The following RBFOX1 variants were observed in gnomAD, a reference collection of about 807,000 sequenced individuals.
RBFOX1 encodes the protein RNA binding fox-1 homolog 1.
RBFOX1 carries 8 observed loss-of-function variants against 57.7 expected under a neutral mutation model. That is an observed-to-expected ratio of 0.14 (90% CI 0.08 to 0.25). RBFOX1 has a LOEUF of 0.25. RBFOX1 is among the 10% of genes least tolerant of loss of function. The pLI, the probability that RBFOX1 is intolerant of heterozygous loss-of-function variation, is 1.00. For synonymous variants in RBFOX1, 326 were observed against 222.4 expected (o/e 1.47, Z -4.15); for missense variants, 611 against 548.5 (o/e 1.11, Z -1.14).
At chr16:7,685,201 G>A (rs2075799515) in intron 14 of RBFOX1, among the ~76,000 whole-genome samples, 1 of 152,048 alleles carries the variant, frequency 6.6e-6, no homozygotes, top group African/African-American at 2.4e-5. Flanking sequence ...ACCCCGATAT[G>A]CCATAATGTT....
Position 7,332,879 on chromosome 16 carries a change from G to C in RBFOX1, c.28-185268G>C, listed in dbSNP as rs77994201. The C allele has an allele frequency of 5.3e-4, 820 of 1,553,384 alleles. 5 individuals are homozygous for C. In the African/African-American group the frequency reaches 0.01, roughly 19 times the overall value. Reference sequence around the variant, plus strand: ...CTCTCCCGGCGTTGATGAGTGCTTGGCTCCTGACAGAAGGGATTTGGCTCC... The same window carrying C: ...CTCTCCCGGCGTTGATGAGTGCTTGCCTCCTGACAGAAGGGATTTGGCTCC... On this transcript the variant is annotated intron_variant, in intron 4 of 15. Transcript: ENST00000550418.
chr16:5,564,139 G>A (rs903660607), intron 2 of RBFOX1, among the ~76,000 whole-genome samples: 2 of 152,058 alleles, frequency 1.3e-5, no homozygotes, highest in Admixed American at 6.5e-5. Flanking sequence ...TCAGCATCCA[G>A]ATAGCTGAGA....
chr16:5,337,838 G>T (rs1596564423), intron 1 of RBFOX1, among the ~76,000 whole-genome samples: 1 of 152,168 alleles, frequency 6.6e-6, no homozygotes, highest in South Asian at 2.1e-4. Flanking sequence ...GAGCCCAGGA[G>T]TTCAAGACCA....
chr16:7,040,020 A>T (rs962661473), intron 3 of RBFOX1, among the ~76,000 whole-genome samples: 4 of 150,446 alleles, frequency 2.7e-5, no homozygotes, highest in African/African-American at 4.9e-5. Flanking sequence ...TATTATTATT[A>T]TCATTATTAT....
intron 4 of RBFOX1, chr16:7,126,238 C>G (rs1434839249): frequency 9.5e-6 from 2 of 210,580 alleles, no homozygotes; most frequent in Non-Finnish European, 1.9e-5. Flanking sequence ...GTACAATTTC[C>G]ATTTTATTTT....
rs141811360 is a variant in RBFOX1, at chr16:5,848,734, G to T, written c.319-18569G>T. On this transcript the variant is annotated intron_variant, in intron 3 of 19. Transcript: ENST00000641259. ...GACTGAGGTGGGTGGATCACCTGAGGTCAGAAGTTCGAGACCAGCCTGGCC... is the reference window on the plus strand; with the variant it reads ...GACTGAGGTGGGTGGATCACCTGAGTTCAGAAGTTCGAGACCAGCCTGGCC... Among the ~76,000 whole-genome samples, 116 of 152,182 alleles carry T rather than the reference G, an allele frequency of 7.6e-4. No individual in the cohort carries two copies. The East Asian group carries it at 0.019, about 25-fold the overall frequency.
intron 1 of RBFOX1, among the ~76,000 whole-genome samples, chr16:6,122,802 A>ATGTGTGTGTGTGTGTG (rs4038155): frequency 2.7e-4 from 40 of 147,832 alleles, no homozygotes; most frequent in Middle Eastern, 3.4e-3. Flanking sequence ...ATGTGTGTGT[A>ATGTGTGTGTGTGTGTG]TGTGTGTGTG....
At position 6,998,978 on chromosome 16, in the gene RBFOX1, C is replaced by T. The variant is rs146591431; in HGVS notation, c.-15-53079C>T. 1.8e-3 allele frequency among the ~76,000 whole-genome samples: 277 copies of T among 151,504 alleles called. 3 individuals carry two copies. The highest frequency in any genetic ancestry group is 6.5e-3 in the African/African-American group (269 of 41,362). On this transcript the variant is annotated intron_variant, in intron 3 of 15. Transcript: ENST00000550418. Reference sequence around the variant, plus strand: ...CCGCCTCCCAGGTTCAAGCGATTCTCGTGCCTCGGCATCCTGAGTAGCTGG... The same window carrying T: ...CCGCCTCCCAGGTTCAAGCGATTCTTGTGCCTCGGCATCCTGAGTAGCTGG...
intron 2 of RBFOX1, among the ~76,000 whole-genome samples, chr16:5,582,439 G>A (rs1249007409): frequency 6.6e-6 from 1 of 152,036 alleles, no homozygotes; most frequent in Non-Finnish European, 1.5e-5. Context: ...CAAGTACAGT[G>A]CCCCTGTTAA....
intron 4 of RBFOX1, among the ~76,000 whole-genome samples, chr16:7,141,921 C>A (rs771199051): frequency 2.6e-5 from 4 of 152,160 alleles, no homozygotes; most frequent in Non-Finnish European, 5.9e-5. Flanking sequence ...TCATGTCAGT[C>A]CCCTTCCCCC....
chr16:7,344,819 C>G (rs1379438692), intron 4 of RBFOX1, among the ~76,000 whole-genome samples: 1 of 152,230 alleles, frequency 6.6e-6, no homozygotes, highest in Non-Finnish European at 1.5e-5. Flanking sequence ...TTCTGCAAAG[C>G]TTTGGTGTCT....
At chr16:5,299,304 C>A (rs1285846074) in intron 1 of RBFOX1, among the ~76,000 whole-genome samples, 1 of 151,944 alleles carries the variant, frequency 6.6e-6, no homozygotes, top group East Asian at 1.9e-4. Flanking sequence ...AGTAGCAGTC[C>A]ATTGAATGCA....
intron 9 of RBFOX1, among the ~76,000 whole-genome samples, chr16:7,598,197 G>A (rs1159408159): frequency 2.0e-5 from 3 of 152,204 alleles, no homozygotes; most frequent in Middle Eastern, 6.8e-3. Context: ...AAAAATTAAA[G>A]CAATGCAGTA....
chr16:5,741,050 T>A (rs114253919), intron 3 of RBFOX1, among the ~76,000 whole-genome samples: 1,973 of 152,264 alleles, frequency 0.013, 56 homozygotes, highest in African/African-American at 0.045. Context: ...CACCTCTGTT[T>A]TGTAGATGGG....
chr16:6,297,495 A>G (rs2078263287), intron 1 of RBFOX1, among the ~76,000 whole-genome samples: 1 of 152,102 alleles, frequency 6.6e-6, no homozygotes, highest in Admixed American at 6.5e-5. Context: ...ATGCCTGTGA[A>G]TGCCTCTGAA....
At chr16:6,755,425 GT>G (rs1364874805) in intron 3 of RBFOX1, among the ~76,000 whole-genome samples, 2 of 152,056 alleles carry the variant, frequency 1.3e-5, no homozygotes, top group East Asian at 3.8e-4. Flanking sequence ...TCTCATTGTG[GT>G]TTTGATTTGC....
At chr16:6,188,811 T>C (rs1476151876) in intron 1 of RBFOX1, among the ~76,000 whole-genome samples, 1 of 152,216 alleles carries the variant, frequency 6.6e-6, no homozygotes, top group African/African-American at 2.4e-5. Context: ...GCTGATACTT[T>C]GAAGCACATA....
At chr16:6,060,542 A>G (rs986754613) in intron 1 of RBFOX1, among the ~76,000 whole-genome samples, 2 of 152,122 alleles carry the variant, frequency 1.3e-5, no homozygotes, top group Non-Finnish European at 2.9e-5. Context: ...TTCGACCTCT[A>G]CGTCAGCAGT....
intron 3 of RBFOX1, among the ~76,000 whole-genome samples, chr16:6,954,369 T>G (rs569394294): frequency 6.6e-6 from 1 of 152,320 alleles, no homozygotes; most frequent in Non-Finnish European, 1.5e-5. Flanking sequence ...CTTCCATCCA[T>G]TAGTAGTTCC....
Sources: allele counts gnomAD v4.1 joint callset (sites outside exome capture counted in the v4.1 genomes callset), GRCh38; gene constraint gnomAD v4.1.1; transcripts MANE v1.5; gene names NCBI Gene and HGNC (gene_info 2026-07-23, HGNC 2026-07-21).